HCN2: variants seen among roughly 807,000 people sequenced by gnomAD.
HCN2 encodes the protein hyperpolarization activated cyclic nucleotide gated potassium and sodium channel 2, also known as potassium/sodium hyperpolarization-activated cyclic nucleotide-gated channel 2.
Under a neutral mutation model 52.3 loss-of-function variants are expected in HCN2, and 20 were observed. That is an observed-to-expected ratio of 0.38 (90% confidence interval 0.27 to 0.56). HCN2 has a LOEUF of 0.56. Among genes scored for constraint, HCN2 ranks in the 20% least tolerant of loss-of-function variants. The pLI, the probability that HCN2 is intolerant of heterozygous loss-of-function variation, is 0.71. For missense variants in HCN2, 981 were observed against 1,207.7 expected (o/e 0.81, Z 2.78); for synonymous variants, 694 against 537.0 (o/e 1.29, Z -4.04).
chr19:594,708 G>T (rs892892763), intron 1 of HCN2, among the ~76,000 whole-genome samples: 1 of 152,146 alleles, frequency 6.6e-6, no homozygotes, highest in Non-Finnish European at 1.5e-5. Flanking sequence ...GGATGGCCCC[G>T]GGGGCAGGGC....
chr19:615,509 G>A (rs549031354), intron 7 of HCN2, among the ~76,000 whole-genome samples: 84 of 152,278 alleles, frequency 5.5e-4, no homozygotes, highest in Admixed American at 5.5e-3. Flanking sequence ...GCAAGACTCC[G>A]TCTCAGAAAC....
intron 1 of HCN2, among the ~76,000 whole-genome samples, chr19:599,727 G>T (rs942792030): frequency 6.6e-6 from 1 of 152,100 alleles, no homozygotes; most frequent in Non-Finnish European, 1.5e-5. Context: ...GGCGGAGCTT[G>T]CAGTGAGCCG....
chr19:616,097 C>T lies in HCN2; in HGVS notation c.2293C>T (p.Pro765Ser), dbSNP rs1983901500. 1 of 800,816 alleles carries T rather than the reference C, an allele frequency of 1.2e-6. No homozygotes were observed. Among genetic ancestry groups the T allele is most frequent in the South Asian group, 5.6e-5 (1 of 17,958 alleles). 49.6% of individuals were successfully genotyped at this position (800,816 alleles called of 1,614,324 possible). Residue 765 changes from proline to serine, a missense_variant, in exon 8 of 8, where the codon CCC becomes TCC. By Grantham distance (74) the Pro-to-Ser change is moderately conservative. Around this residue, in one of 6 missense-constraint regions of HCN2, gnomAD observed 368 missense variants for 314.8 expected, o/e 1.17. Transcript: ENST00000251287. ...PRLVRRPPPG[P>S]APAAASPGPP... ...CCTCGTGCGCCGCCCGCCCCCGGGG[C>T]CCGCACCTGCCGCCGCCTCACCCGG...
At chr19:599,529 C>T (rs1423009258) in intron 1 of HCN2, among the ~76,000 whole-genome samples, 2 of 151,820 alleles carry the variant, frequency 1.3e-5, no homozygotes, top group Admixed American at 6.6e-5. Context: ...CCTGTAATCC[C>T]AGCACTTTAG....
Position 616,498 on chromosome 19 carries a change from C to G in HCN2, c.*24C>G. Reference sequence around the variant, plus strand: ...GACCCTCGCCGACCGCCCCGCGGGCCCAGGCGGGCCGGGGGCGGGGCCGTC... The same window carrying G: ...GACCCTCGCCGACCGCCCCGCGGGCGCAGGCGGGCCGGGGGCGGGGCCGTC... On this transcript the variant is annotated 3_prime_UTR_variant, in exon 8 of 8. Coordinates refer to ENST00000251287, the MANE Select transcript of HCN2 (RefSeq NM_001194.4). 8.3e-7 allele frequency: 1 copy of G among 1,204,590 alleles called. No individual in the cohort carries two copies. Among genetic ancestry groups the G allele is most frequent in the South Asian group, 2.5e-5 (1 of 40,564 alleles). The allele number at this position is 1,204,590 out of a possible 1,614,324, so 74.6% of individuals were successfully genotyped here.
At chr19:613,120 C>T in intron 5 of HCN2, 128 bp from the exon 6 acceptor site, 1 of 1,285,946 alleles carries the variant, frequency 7.8e-7, no homozygotes, top group East Asian at 2.5e-5. Flanking sequence ...TCGGTTCCGG[C>T]TACGGGGCTG....
rs1030096854 is a variant in HCN2, at chr19:591,109, G to A, written c.632+532G>A. The A allele has an allele frequency of 6.6e-6, 1 of 151,974 alleles. No individual in the cohort carries two copies. Among genetic ancestry groups the A allele is most frequent in the Non-Finnish European group, 1.5e-5 (1 of 67,966 alleles). 9.4% of individuals were successfully genotyped at this position (151,974 alleles called of 1,614,324 possible). ...TGTGTCCCCGGGAGCCGCTCCACCC[G>A]AGCCGCGGGCGGTGCGCGCATGCGG... On this transcript the variant is annotated intron_variant, in intron 1 of 7. Transcript: ENST00000251287. This position sits in a 1 kb window ranked among gnomAD's most constrained non-coding sequence, Gnocchi z 4.1.
In HCN2 at chr19:590,007, G is replaced by C. The variant is rs1368264927; in HGVS notation, c.62G>C (p.Gly21Ala). 19 of 640,700 alleles carry C rather than the reference G, an allele frequency of 3.0e-5. No homozygotes were observed. In the African/African-American group the frequency reaches 4.0e-4, roughly 13 times the overall value. The allele number at this position is 640,700 out of a possible 1,614,324, so 39.7% of individuals were successfully genotyped here. ...GESPGATPAPGPPPPPPPAPP... is the reference protein window; with the variant it reads ...GESPGATPAPAPPPPPPPAPP... ...AGCCCGGGCGCGACCCCCGCGCCGG[G>C]GCCGCCGCCGCCGCCGCCGCCCGCG... is the stretch of plus-strand genomic sequence containing the variant. Residue 21 changes from glycine to alanine, a missense_variant, in exon 1 of 8, where the codon GGG becomes GCG. Physicochemically the swap from Gly to Ala is moderately conservative, Grantham distance 60. Around this residue, in one of 6 missense-constraint regions of HCN2, gnomAD observed 215 missense variants for 179.4 expected, o/e 1.20. Transcript: ENST00000251287. This position sits in a 1 kb window ranked among gnomAD's most constrained non-coding sequence, Gnocchi z 7.2.
At chr19:597,790 C>T (rs73918156) in intron 1 of HCN2, among the ~76,000 whole-genome samples, 72,919 of 146,230 alleles carry the variant, frequency 0.5, 18,408 homozygotes, top group East Asian at 0.77. Context: ...GGTTTCTAGG[C>T]CCTCCTGGTG....
intron 5 of HCN2, among the ~76,000 whole-genome samples, chr19:612,493 G>A (rs915255736): frequency 2.0e-5 from 3 of 151,708 alleles, no homozygotes; most frequent in Non-Finnish European, 2.9e-5. Flanking sequence ...TTGGTTCACT[G>A]TAACCTCCTC....
At chr19:612,990 C>T (rs536406590) in intron 5 of HCN2, among the ~76,000 whole-genome samples, 5 of 152,296 alleles carry the variant, frequency 3.3e-5, no homozygotes, top group East Asian at 1.9e-4. Flanking sequence ...TCCTTTCCAC[C>T]GCTCTTGTCT....
intron 3 of HCN2, among the ~76,000 whole-genome samples, chr19:606,343 C>T (rs991363947): frequency 8.6e-5 from 13 of 151,772 alleles, no homozygotes; most frequent in South Asian, 2.1e-4. Flanking sequence ...TCAGGTGATC[C>T]GCCTGCCTCG....
chr19:598,297 C>T (rs1024012527), intron 1 of HCN2, among the ~76,000 whole-genome samples: 33 of 152,098 alleles, frequency 2.2e-4, no homozygotes, highest in Admixed American at 3.9e-4. Context: ...CTCCCCACCC[C>T]GAGATCAAGT....
In HCN2 at chr19:595,690, G is replaced by T. The variant is rs538394737; in HGVS notation, c.632+5113G>T. ...GTGCCCCGGCGCCCGGCGAGAGTTC[G>T]GTGAACATCTGCCCCGTCGGGATCA... is the stretch of plus-strand genomic sequence containing the variant. On this transcript the variant is annotated intron_variant, in intron 1 of 7. Transcript: ENST00000251287. 1.2e-4 allele frequency among the ~76,000 whole-genome samples: 19 copies of T among 152,296 alleles called. No homozygotes were observed. In the South Asian group the frequency reaches 1.5e-3, roughly 12 times the overall value.
At chr19:604,967 A>G in intron 2 of HCN2, 94 bp from the exon 3 acceptor site, 1 of 1,202,496 alleles carries the variant, frequency 8.3e-7, no homozygotes, top group Admixed American at 2.9e-5. Context: ...GGAGGGGGCC[A>G]GGAGCTCCCG....
intron 4 of HCN2, among the ~76,000 whole-genome samples, chr19:608,415 T>A (rs3829666): frequency 0.074 from 9,479 of 128,350 alleles, 640 homozygotes; most frequent in African/African-American, 0.17. Context: ...GGAGAGGCAG[T>A]CTCAGCCCTT....
rs1982886173 is a variant in HCN2, at chr19:591,931, C to T, written c.632+1354C>T. Among the ~76,000 whole-genome samples, 1 of 152,182 alleles carries T rather than the reference C, an allele frequency of 6.6e-6. No homozygotes were observed. Among genetic ancestry groups the T allele is most frequent in the African/African-American group, 2.4e-5 (1 of 41,452 alleles). On this transcript the variant is annotated intron_variant, in intron 1 of 7. Transcript: ENST00000251287. The surrounding 1 kb of genome is among the most constrained non-coding windows in gnomAD (Gnocchi z 4.1). Reference sequence around the variant, plus strand: ...AATCCTCCTCCCACCCCAGGCCTTCCTGAGAGGTGAATACAGCTTTGACCA... The same window carrying T: ...AATCCTCCTCCCACCCCAGGCCTTCTTGAGAGGTGAATACAGCTTTGACCA...
chr19:613,789 CT>C (rs1389603826), intron 6 of HCN2, 62 bp from the exon 7 acceptor site: 3 of 1,418,308 alleles, frequency 2.1e-6, no homozygotes, highest in Non-Finnish European at 9.2e-7. Flanking sequence ...GGCCGTGTGC[CT>C]GGGCGGGGAG....
rs1298699927 is a variant in HCN2, at chr19:616,162, C to T, written c.2358C>T (p.Ser786=). ...CCAGCCCCCCGGGCGCGCCCGCCAGCCCCCGGGCACCGCGGACCTCGCCCT... is the reference window on the plus strand; with the variant it reads ...CCAGCCCCCCGGGCGCGCCCGCCAGTCCCCGGGCACCGCGGACCTCGCCCT... ...PPASPPGAPA[S]PRAPRTSPYG... The change falls in exon 8 of 8, where the codon AGC becomes AGT. Residue 786 remains serine (S), a synonymous_variant. Transcript: ENST00000251287. 2.8e-5 allele frequency: 27 copies of T among 967,402 alleles called. No individual in the cohort carries two copies. Among genetic ancestry groups the T allele is most frequent in the Non-Finnish European group, 3.3e-5 (27 of 816,804 alleles). 59.9% of individuals were successfully genotyped at this position (967,402 alleles called of 1,614,324 possible). A position where few individuals can be genotyped will look rare whatever the true frequency, so the allele number is the denominator to read the frequency against.
Sources: gnomAD v4.1 joint callset for allele counts (sites outside exome capture counted in the v4.1 genomes callset) on GRCh38, gnomAD v4.1.1 for gene constraint, gnomAD v4.1.1 regional missense constraint, Gnocchi (gnomAD v3.1) non-coding constraint, MANE v1.5 for transcripts, NCBI Gene and HGNC (gene_info 2026-07-23, HGNC 2026-07-21) for gene names.